TMEM245: variants seen among roughly 807,000 people sequenced by gnomAD.
The protein encoded by TMEM245 is transmembrane protein 245.
In TMEM245, 69 loss-of-function variants were observed where a neutral mutation model predicts 101.2. The ratio of observed to expected loss-of-function variants is 0.68; its 90% CI spans 0.56 to 0.83. TMEM245 has a LOEUF of 0.83. Ranked by LOEUF, TMEM245 falls within the 40% of genes least tolerant of loss-of-function variation. The probability of loss-of-function intolerance (pLI) is 0.00; values close to 1 mark genes in which losing one functional copy is unlikely to be tolerated. For missense variants in TMEM245, 1,075 were observed against 1,092.8 expected (o/e 0.98, Z 0.23); for synonymous variants, 537 against 449.8 (o/e 1.19, Z -2.45).
intron 16 of TMEM245, among the ~76,000 whole-genome samples, chr9:109,035,156 CAAAAAAAAAA>C (rs778574292): frequency 9.7e-5 from 5 of 51,324 alleles, no homozygotes; most frequent in South Asian, 8.7e-4. Context: ...GACTCTGTCT[CAAAAAAAAAA>C]AAAAAAAAAA....
rs140787077 is a variant in TMEM245, at chr9:109,059,636, G to C, written c.1722+718C>G. Among the ~76,000 whole-genome samples, 10 of 152,202 alleles carry C rather than the reference G, an allele frequency of 6.6e-5. No homozygotes were observed. In the East Asian group the frequency reaches 1.9e-3, roughly 29 times the overall value. On this transcript the variant is annotated intron_variant, in intron 11 of 17. Transcript: ENST00000374586. ...GACGGAGTATGTTATAGTAAGCCAAGATCACACCACTGCACTCCAGTCTGG... is the reference window on the plus strand; with the variant it reads ...GACGGAGTATGTTATAGTAAGCCAACATCACACCACTGCACTCCAGTCTGG...
At chr9:109,088,063 A>G (rs144906140) in intron 5 of TMEM245, among the ~76,000 whole-genome samples, 8 of 152,330 alleles carry the variant, frequency 5.3e-5, no homozygotes, top group Non-Finnish European at 8.8e-5. Flanking sequence ...TTAGAAGCCA[A>G]TTAAGAAGGT....
intron 8 of TMEM245, among the ~76,000 whole-genome samples, chr9:109,078,381 G>A (rs1829577017): frequency 6.6e-6 from 1 of 152,114 alleles, no homozygotes; most frequent in Non-Finnish European, 1.5e-5. Context: ...ATTATTTCTG[G>A]AGTCATTTAT....
intron 16 of TMEM245, among the ~76,000 whole-genome samples, chr9:109,033,766 C>T (rs1223841590): frequency 1.3e-5 from 2 of 152,168 alleles, no homozygotes; most frequent in South Asian, 4.1e-4. Flanking sequence ...GCAATGTTAA[C>T]AGATATTTTA....
chr9:109,042,806 T>C (rs1264033785), intron 14 of TMEM245, among the ~76,000 whole-genome samples: 1 of 151,796 alleles, frequency 6.6e-6, no homozygotes, highest in African/African-American at 2.4e-5. Flanking sequence ...ACTTTTCTTC[T>C]TTCATTAAAA....
chr9:109,017,188 T>A lies in TMEM245; in HGVS notation c.*3272A>T, dbSNP rs1278656667. On this transcript the variant is annotated 3_prime_UTR_variant, in exon 18 of 18. Transcript: ENST00000374586. ...ATCTGCAAGCCATTTAGCAGCCCTT[T>A]AACTGTAAAAAGCAGTTCCACTTTC... 1 of 152,214 alleles carries A rather than the reference T, an allele frequency of 6.6e-6. No individual in the cohort carries two copies. Among genetic ancestry groups the A allele is most frequent in the East Asian group, 1.9e-4 (1 of 5,194 alleles). 9.4% of individuals were successfully genotyped at this position (152,214 alleles called of 1,614,324 possible). A position where few individuals can be genotyped will look rare whatever the true frequency, so the allele number is the denominator to read the frequency against.
At position 109,044,717 on chromosome 9, in the gene TMEM245, T is replaced by C. The variant is rs144993985; in HGVS notation, c.2123+5566A>G. Among the ~76,000 whole-genome samples, 258 of 152,088 alleles carry C rather than the reference T, an allele frequency of 1.7e-3. 3 individuals carry two copies. The highest frequency in any genetic ancestry group is 5.8e-3 in the African/African-American group (242 of 41,496). On this transcript the variant is annotated intron_variant, in intron 14 of 17. Transcript: ENST00000374586. ...ATACATATAATGTATAGTAATCAGA[T>C]AGGGGTAATTGGCATATCCATCATC...
At chr9:109,089,957 C>T (rs564574394) in intron 5 of TMEM245, among the ~76,000 whole-genome samples, 14 of 152,232 alleles carry the variant, frequency 9.2e-5, no homozygotes, top group Admixed American at 6.5e-4. Flanking sequence ...CTAAGAGTAG[C>T]GCTCAAAAAT....
intron 8 of TMEM245, 123 bp downstream of exon 8, chr9:109,080,716 G>A (rs1465727148): frequency 6.7e-6 from 4 of 598,846 alleles, no homozygotes; most frequent in Admixed American, 3.2e-5. Context: ...AAATCCTTTA[G>A]CTATTGTACA....
rs768956169 is a variant in TMEM245 at position 109,033,376 on chromosome 9, G to A, written c.2525C>T (p.Ala842Val). 1.2e-6 allele frequency: 2 copies of A among 1,614,016 alleles called. No individual in the cohort carries two copies. Among genetic ancestry groups the A allele is most frequent in the Non-Finnish European group, 1.7e-6 (2 of 1,180,030 alleles). ...ILVVASNIYSAMLVSPTNSVP... is the reference protein window; with the variant it reads ...ILVVASNIYSVMLVSPTNSVP... ...TGAATTCGTGGGACTCACTAGCATG[G>A]CACTATAGATATTGGAAGCAACCAC... Residue 842 changes from alanine (A) to valine (V), a missense_variant, in exon 17 of 18, where the codon GCC becomes GTC. By Grantham distance (64) the Ala-to-Val change is moderately conservative. Coordinates refer to ENST00000374586, the MANE Select transcript of TMEM245 (RefSeq NM_032012.4).
chr9:109,078,622 T>C (rs1829585261), intron 8 of TMEM245, among the ~76,000 whole-genome samples: 1 of 152,262 alleles, frequency 6.6e-6, no homozygotes, highest in African/African-American at 2.4e-5. Flanking sequence ...AACTGTATTG[T>C]TCCCCTGTTT....
rs1830490591 is a variant in TMEM245, at chr9:109,108,562, C to T, written c.588G>A (p.Thr196=). The change falls in exon 2 of 18, where the codon ACG becomes ACA. Residue 196 remains threonine, a synonymous_variant. Coordinates refer to ENST00000374586, the MANE Select transcript of TMEM245 (RefSeq NM_032012.4). ...LDYFSSLWIW[T]LVVGYVLTVS... ...CAGTCAACACATAGCCAACCACCAA[C>T]GTCCAGATCTTAAATAAATGAAAGA... The T allele has an allele frequency of 3.1e-6, 5 of 1,596,890 alleles. No homozygotes were observed. Among genetic ancestry groups the T allele is most frequent in the East Asian group, 2.2e-5 (1 of 44,664 alleles).
At chr9:109,107,638 A>G (rs1473080694) in intron 2 of TMEM245, among the ~76,000 whole-genome samples, 1 of 152,226 alleles carries the variant, frequency 6.6e-6, no homozygotes, top group Non-Finnish European at 1.5e-5. Context: ...ACGAAGACAG[A>G]GACATAGCTG....
intron 14 of TMEM245, among the ~76,000 whole-genome samples, chr9:109,044,400 C>G (rs965364479): frequency 4.6e-5 from 7 of 152,132 alleles, no homozygotes; most frequent in African/African-American, 1.7e-4. Context: ...AATTACCTGT[C>G]TAAGGAAGAA....
In TMEM245 at chr9:109,016,537, A is replaced by T. The variant is rs1827445491; in HGVS notation, c.*3923T>A. ...TCTTTCTCTAGAAAGTGACAGGACC[A>T]CCTAATTTTAGAAGTCCCATTCTAG... On this transcript the variant is annotated 3_prime_UTR_variant, in exon 18 of 18. Coordinates refer to ENST00000374586, the MANE Select transcript of TMEM245 (RefSeq NM_032012.4). 6.6e-6 allele frequency: 1 copy of T among 150,484 alleles called. No individual in the cohort carries two copies. The highest frequency in any genetic ancestry group is 6.6e-5 in the Admixed American group (1 of 15,112). The allele number at this position is 150,484 out of a possible 1,614,324, so 9.3% of individuals were successfully genotyped here.
intron 16 of TMEM245, 83 bp downstream of exon 16, chr9:109,036,123 A>G: frequency 3.3e-6 from 4 of 1,225,434 alleles, no homozygotes; most frequent in Non-Finnish European, 4.4e-6. Flanking sequence ...GTATACCCCC[A>G]GGAGAAAAAA....
chr9:109,048,435 A>G (rs893976690), intron 14 of TMEM245, among the ~76,000 whole-genome samples: 1 of 148,800 alleles, frequency 6.7e-6, no homozygotes, highest in African/African-American at 2.5e-5. Context: ...TTATCAGAGA[A>G]AAAAAAAAAA....
At position 109,020,229 on chromosome 9, in the gene TMEM245, G is replaced by A; in HGVS notation, c.*231C>T. On this transcript the variant is annotated 3_prime_UTR_variant, in exon 18 of 18. Coordinates refer to ENST00000374586, the MANE Select transcript of TMEM245 (RefSeq NM_032012.4). ...AACTTTTCAAGCCATCTTAACAACA[G>A]TTAAGTGAGCAAACCACCAACTCTG... The A allele has an allele frequency of 1.7e-6, 1 of 574,972 alleles. No homozygotes were observed. Among genetic ancestry groups the A allele is most frequent in the Non-Finnish European group, 3.2e-6 (1 of 314,762 alleles). 35.6% of individuals were successfully genotyped at this position (574,972 alleles called of 1,614,324 possible).
chr9:109,106,443 T>C lies in TMEM245; in HGVS notation c.799+65A>G. On this transcript the variant is annotated intron_variant, in intron 3 of 17. Coordinates refer to ENST00000374586, the MANE Select transcript of TMEM245 (RefSeq NM_032012.4). ...ATTCAAAGCTGTTTCATCATAGCAT[T>C]TTTTAAAAAGCTACTCTCCAAAATA... is the stretch of plus-strand genomic sequence containing the variant. 2.9e-6 allele frequency: 3 copies of C among 1,050,572 alleles called. No homozygotes were observed. In the South Asian group the frequency reaches 6.1e-5, roughly 21 times the overall value. 65.1% of individuals were successfully genotyped at this position (1,050,572 alleles called of 1,614,324 possible).
Sources: gnomAD v4.1 joint callset for allele counts (sites outside exome capture counted in the v4.1 genomes callset) on GRCh38, gnomAD v4.1.1 for gene constraint, MANE v1.5 for transcripts, NCBI Gene and HGNC (gene_info 2026-07-23, HGNC 2026-07-21) for gene names.